The following C2orf76 variants were observed in gnomAD, a reference collection of about 807,000 sequenced individuals.
C2orf76 encodes the protein UPF0538 protein C2orf76.
In C2orf76, 23 loss-of-function variants were observed where a neutral mutation model predicts 16.9. That is an observed-to-expected ratio of 1.36 (90% CI 0.98 to 1.93). C2orf76 has a LOEUF of 1.93. C2orf76 is among the 30% of genes most tolerant of loss of function. The pLI is 0.00. For missense variants in C2orf76, 152 were observed against 152.6 expected (o/e 1.00, Z 0.02); for synonymous variants, 48 against 52.3 (o/e 0.92, Z 0.35).
the C2orf76 span, among the ~76,000 whole-genome samples, chr2:119,282,124 C>T: frequency 6.6e-6 from 1 of 150,748 alleles, no homozygotes. Context: ...CCAGCCTGGG[C>T]AACAGAGCCA....
intron 1 of C2orf76, among the ~76,000 whole-genome samples, chr2:119,359,786 A>G (rs1680685914): frequency 6.6e-6 from 1 of 151,994 alleles, no homozygotes; most frequent in African/African-American, 2.4e-5. Flanking sequence ...GACAGAATCT[A>G]CTCCTGGTGA....
In C2orf76 at chr2:119,311,715, A is replaced by C. The variant is rs1384333810; in HGVS notation, c.223-12T>G. Reference sequence around the variant, plus strand: ...ACAAGTTCATTTGTCTAAAAAAAAAAAAGAAAATCTGCATTTTATCAGTAC... The same window carrying C: ...ACAAGTTCATTTGTCTAAAAAAAAACAAGAAAATCTGCATTTTATCAGTAC... On this transcript the variant is annotated splice_polypyrimidine_tract_variant and intron_variant, in intron 4 of 5. Coordinates refer to ENST00000334816, the MANE Select transcript of C2orf76 (RefSeq NM_001322331.2). 1 of 1,602,664 alleles carries C rather than the reference A, an allele frequency of 6.2e-7. No homozygotes were observed.
chr2:119,359,233 C>T (rs985738866), intron 1 of C2orf76, among the ~76,000 whole-genome samples: 3 of 152,102 alleles, frequency 2.0e-5, no homozygotes, highest in African/African-American at 7.2e-5. Context: ...ACCTAATCCT[C>T]AGGAAAAAAA....
chr2:119,345,878 G>A lies in C2orf76; in HGVS notation c.-12-5907C>T, dbSNP rs552524376. Among the ~76,000 whole-genome samples the A allele has an allele frequency of 5.3e-5, 8 of 151,940 alleles. No homozygotes were observed. In the South Asian group the frequency reaches 6.2e-4, roughly 12 times the overall value. ...AGATTGAGACCATCCTGGCTAACAC[G>A]GTGAAACCCCGTCTCTACTAAAAAT... On this transcript the variant is annotated intron_variant, in intron 1 of 5. Transcript: ENST00000334816.
intron 3 of C2orf76, among the ~76,000 whole-genome samples, chr2:119,317,905 T>C (rs1679225413): frequency 6.6e-6 from 1 of 152,172 alleles, no homozygotes; most frequent in Non-Finnish European, 1.5e-5. Context: ...CAAAAAAATC[T>C]ATTCAGATGA....
At chr2:119,287,622 C>T in the C2orf76 span, among the ~76,000 whole-genome samples, 1 of 151,856 alleles carries the variant, frequency 6.6e-6, no homozygotes, top group African/African-American at 2.4e-5. Flanking sequence ...TCTGAGGAGA[C>T]GTGATATTTG....
chr2:119,301,830 T>C (rs944627919), downstream of C2orf76, among the ~76,000 whole-genome samples: 2 of 150,130 alleles, frequency 1.3e-5, no homozygotes, highest in African/African-American at 2.5e-5. Context: ...GATTCTATGA[T>C]AGTTTCTTCC....
chr2:119,296,828 A>AT, the C2orf76 span, among the ~76,000 whole-genome samples: 4 of 152,216 alleles, frequency 2.6e-5, no homozygotes, highest in Non-Finnish European at 5.9e-5. Flanking sequence ...ATGCCTGTAA[A>AT]GGGGCGCCAA....
At chr2:119,333,384 T>G (rs1379069470) in intron 2 of C2orf76, among the ~76,000 whole-genome samples, 1 of 152,242 alleles carries the variant, frequency 6.6e-6, no homozygotes, top group African/African-American at 2.4e-5. Context: ...ATGGTCTCAA[T>G]GTTGATCACT....
intron 1 of C2orf76, among the ~76,000 whole-genome samples, chr2:119,344,931 T>G (rs1680151269): frequency 6.6e-6 from 1 of 152,180 alleles, no homozygotes; most frequent in Non-Finnish European, 1.5e-5. Context: ...GATAGTTTCC[T>G]TAATAAATGG....
downstream of C2orf76, among the ~76,000 whole-genome samples, chr2:119,301,076 A>AACAAAC (rs1553444735): frequency 8.9e-5 from 13 of 146,140 alleles, no homozygotes; most frequent in Non-Finnish European, 1.8e-4. Flanking sequence ...ACTTCTTAAA[A>AACAAAC]ACACACACAC....
chr2:119,357,626 T>C (rs1425483652), intron 1 of C2orf76, among the ~76,000 whole-genome samples: 1 of 150,554 alleles, frequency 6.6e-6, no homozygotes, highest in Non-Finnish European at 1.5e-5. Context: ...GAGCTAACGT[T>C]AGACTTCATA....
At chr2:119,340,859 GT>G (rs1680005919) in intron 1 of C2orf76, among the ~76,000 whole-genome samples, 2 of 148,066 alleles carry the variant, frequency 1.4e-5, no homozygotes, top group South Asian at 2.1e-4. Flanking sequence ...AGTTGCCAAT[GT>G]TTTTTTCATG....
At chr2:119,335,451 C>T (rs144755693) in intron 2 of C2orf76, among the ~76,000 whole-genome samples, 79 of 152,284 alleles carry the variant, frequency 5.2e-4, no homozygotes, top group Middle Eastern at 3.4e-3. Flanking sequence ...GTACTGAACA[C>T]GTGCACCCAT....
At chr2:119,363,293 G>A (rs568738295) in intron 1 of C2orf76, among the ~76,000 whole-genome samples, 45 of 151,898 alleles carry the variant, frequency 3.0e-4, no homozygotes, top group African/African-American at 9.9e-4. Context: ...GCGTGGTGGC[G>A]GGCACCCATA....
At chr2:119,347,258 G>A (rs77842571) in intron 1 of C2orf76, among the ~76,000 whole-genome samples, 1,893 of 152,186 alleles carry the variant, frequency 0.012, 33 homozygotes, top group African/African-American at 0.042. Context: ...TTCAGATGGT[G>A]GAAAATTGTA....
chr2:119,339,737 CT>C lies in C2orf76; in HGVS notation c.133+89del, dbSNP rs1679964099. On this transcript the variant is annotated intron_variant, in intron 2 of 5. Coordinates refer to ENST00000334816, the MANE Select transcript of C2orf76 (RefSeq NM_001322331.2). ...GAACCCAGGTTAATCTTTCAAAGTA[CT>C]TTAGGATTTGTTAAAGATTATTATT... The C allele has an allele frequency of 4.3e-6, 6 of 1,388,328 alleles. No homozygotes were observed. The South Asian group carries it at 6.9e-5, about 16-fold the overall frequency. The allele number at this position is 1,388,328 out of a possible 1,614,324, so 86.0% of individuals were successfully genotyped here.
intron 2 of C2orf76, among the ~76,000 whole-genome samples, chr2:119,327,551 T>TA (rs994739158): frequency 6.6e-6 from 1 of 152,044 alleles, no homozygotes; most frequent in Non-Finnish European, 1.5e-5. Flanking sequence ...CTATAATGGG[T>TA]GCGTTCCTCC....
At chr2:119,334,518 C>T (rs1451476780) in intron 2 of C2orf76, among the ~76,000 whole-genome samples, 1 of 151,552 alleles carries the variant, frequency 6.6e-6, no homozygotes, top group Non-Finnish European at 1.5e-5. Flanking sequence ...CAGCAAAACC[C>T]CGTCTCTACT....
Sources: gnomAD v4.1 joint callset for allele counts (sites outside exome capture counted in the v4.1 genomes callset) on GRCh38, gnomAD v4.1.1 for gene constraint, MANE v1.5 for transcripts, NCBI Gene and HGNC (gene_info 2026-07-23, HGNC 2026-07-21) for gene names.